Variants in DLG2 observed in about 807,000 individuals in gnomAD.
The protein encoded by DLG2 is discs large MAGUK scaffold protein 2, also known as disks large homolog 2.
A neutral mutation model predicts 132.5 loss-of-function variants in DLG2; 45 were observed. That is an observed-to-expected ratio of 0.34 (90% CI 0.27 to 0.44). The LOEUF is 0.44. Ranked by LOEUF, DLG2 falls within the 20% of genes least tolerant of loss-of-function variation. The pLI is 1.00. For missense variants in DLG2, 1,045 were observed against 1,196.9 expected, an observed-to-expected ratio of 0.87 and a Z score of 1.87; for synonymous variants, 424 against 419.6, an observed-to-expected ratio of 1.01 and a Z score of -0.13.
At chr11:83,720,953 T>C (rs2153684294) in intron 18 of DLG2, 2 of 152,080 alleles carry the variant, frequency 1.3e-5, no homozygotes, top group Middle Eastern at 6.8e-3. Context: ...TATCTGGGGG[T>C]GAATCAACTA....
rs113310046 is a variant in DLG2, at chr11:83,801,059, G to A, written c.1723-14267C>T. 1.4e-3 allele frequency among the ~76,000 whole-genome samples: 218 copies of A among 152,088 alleles called. 4 individuals are homozygous for A. The highest frequency in any genetic ancestry group is 4.2e-3 in the South Asian group (20 of 4,814). On this transcript the variant is annotated intron_variant, in intron 17 of 27. Coordinates refer to ENST00000376104, the MANE Select transcript of DLG2 (RefSeq NM_001142699.3). ...AAAATTTCTCCCAAACATGTTTCTCGAGAGTTTTCTCATTTTCAGCAAACA... is the reference window on the plus strand; with the variant it reads ...AAAATTTCTCCCAAACATGTTTCTCAAGAGTTTTCTCATTTTCAGCAAACA...
chr11:83,732,267 A>G (rs1462552143), intron 18 of DLG2, among the ~76,000 whole-genome samples: 1 of 152,188 alleles, frequency 6.6e-6, no homozygotes, highest in Non-Finnish European at 1.5e-5. Flanking sequence ...TAATTAAAAC[A>G]TACAATCTCA....
At chr11:85,225,370 C>T (rs547178153) in intron 4 of DLG2, among the ~76,000 whole-genome samples, 2 of 152,146 alleles carry the variant, frequency 1.3e-5, no homozygotes, top group Non-Finnish European at 2.9e-5. Flanking sequence ...TTGCTACCTA[C>T]TTGGTCAAGA....
At chr11:84,174,659 C>T (rs1197360183) in intron 8 of DLG2, among the ~76,000 whole-genome samples, 2 of 152,118 alleles carry the variant, frequency 1.3e-5, no homozygotes, top group Non-Finnish European at 2.9e-5. Flanking sequence ...CAAAAAAAGG[C>T]CTCTGCCTTT....
chr11:84,569,340 C>A (rs2099471207), intron 6 of DLG2, among the ~76,000 whole-genome samples: 1 of 152,108 alleles, frequency 6.6e-6, no homozygotes, highest in South Asian at 2.1e-4. Context: ...TAGGAAAAAT[C>A]AGGGAATCAT....
At chr11:85,129,754 C>G (rs1191937927) in intron 5 of DLG2, among the ~76,000 whole-genome samples, 1 of 152,124 alleles carries the variant, frequency 6.6e-6, no homozygotes, top group Non-Finnish European at 1.5e-5. Flanking sequence ...GACACATGCA[C>G]ACGTATGTTT....
intron 6 of DLG2, among the ~76,000 whole-genome samples, chr11:84,982,585 C>A (rs900881140): frequency 6.6e-6 from 1 of 152,212 alleles, no homozygotes; most frequent in East Asian, 1.9e-4. Flanking sequence ...GTGAACCACC[C>A]CAGTAGCCTT....
Position 85,598,782 on chromosome 11 carries a change from T to C in DLG2, c.-86A>G. ...TTCTTCCAGTAATGATAAAGCTCGG[T>C]CAGTATCTGAAAAACATGATATTAT... On this transcript the variant is annotated 5_prime_UTR_variant, in exon 3 of 28. Coordinates refer to ENST00000376104, the MANE Select transcript of DLG2 (RefSeq NM_001142699.3). The C allele has an allele frequency of 9.5e-7, 1 of 1,051,780 alleles. No homozygotes were observed. Among genetic ancestry groups the C allele is most frequent in the Non-Finnish European group, 1.4e-6 (1 of 737,100 alleles). 65.2% of individuals were successfully genotyped at this position (1,051,780 alleles called of 1,614,324 possible). A position where few individuals can be genotyped will look rare whatever the true frequency, so the allele number is the denominator to read the frequency against.
At chr11:83,520,321 C>T (rs1432044) in intron 21 of DLG2, among the ~76,000 whole-genome samples, 62,274 of 151,754 alleles carry the variant, frequency 0.41, 13,116 homozygotes, top group African/African-American at 0.51. Context: ...AACTGCATTA[C>T]GGTTATCACT....
chr11:85,162,051 G>A (rs537608544), intron 4 of DLG2, among the ~76,000 whole-genome samples: 3 of 152,130 alleles, frequency 2.0e-5, no homozygotes, highest in Admixed American at 1.3e-4. Flanking sequence ...GCCACCAGGA[G>A]ACACAATGAT....
At chr11:83,999,395 A>G (rs1279741818) in intron 11 of DLG2, among the ~76,000 whole-genome samples, 2 of 152,084 alleles carry the variant, frequency 1.3e-5, no homozygotes, top group Admixed American at 1.3e-4. Flanking sequence ...AGCCACTGCC[A>G]ATGCCAGTGT....
chr11:84,454,847 G>A (rs976464877), intron 7 of DLG2, among the ~76,000 whole-genome samples: 1 of 151,354 alleles, frequency 6.6e-6, no homozygotes, highest in Non-Finnish European at 1.5e-5. Flanking sequence ...GAGAAGGAAG[G>A]CTTTACACAA....
At chr11:83,502,303 C>T (rs956221817) in intron 21 of DLG2, among the ~76,000 whole-genome samples, 6 of 152,154 alleles carry the variant, frequency 3.9e-5, no homozygotes, top group East Asian at 1.9e-4. Context: ...TCCAGAGTTG[C>T]GCTCTTATCT....
In DLG2 at chr11:83,840,309, G is replaced by T. The variant is rs116110868; in HGVS notation, c.1566-6539C>A. 8.9e-3 allele frequency among the ~76,000 whole-genome samples: 1,350 copies of T among 152,276 alleles called. 19 individuals carry two copies. The highest frequency in any genetic ancestry group is 0.03 in the African/African-American group (1,258 of 41,548). Reference sequence around the variant, plus strand: ...AGGCACCAGCATTTCCCCAGTAATAGTAAGATGCCTGGCAGGTAGCAGAAA... The same window carrying T: ...AGGCACCAGCATTTCCCCAGTAATATTAAGATGCCTGGCAGGTAGCAGAAA... On this transcript the variant is annotated intron_variant, in intron 16 of 27. Coordinates refer to ENST00000376104, the MANE Select transcript of DLG2 (RefSeq NM_001142699.3).
Position 85,321,880 on chromosome 11 carries a change from G to A in DLG2, c.41-36515C>T, listed in dbSNP as rs534500285. On this transcript the variant is annotated intron_variant, in intron 3 of 27. Transcript: ENST00000376104. The stretch of plus-strand genomic sequence containing the variant: ...AATTAGAGGAAAAGAGATGCAGACA[G>A]TAAGTGTGTATAAATTTGTTGAGTC... Among the ~76,000 whole-genome samples the A allele has an allele frequency of 3.9e-5, 6 of 152,172 alleles. No homozygotes were observed. The South Asian group carries it at 1.2e-3, about 32-fold the overall frequency.
intron 18 of DLG2, among the ~76,000 whole-genome samples, chr11:83,773,855 G>A (rs2094488025): frequency 1.3e-5 from 2 of 152,182 alleles, no homozygotes; most frequent in Non-Finnish European, 2.9e-5. Context: ...ATGCTCTCAT[G>A]GAGGTTACTT....
At chr11:83,798,512 G>A (rs995296301) in intron 17 of DLG2, among the ~76,000 whole-genome samples, 20 of 152,048 alleles carry the variant, frequency 1.3e-4, no homozygotes, top group African/African-American at 4.8e-4. Context: ...GATAAAAGTA[G>A]GTAAGAACTA....
intron 6 of DLG2, among the ~76,000 whole-genome samples, chr11:84,596,901 G>A (rs967628124): frequency 5.3e-5 from 8 of 152,072 alleles, no homozygotes; most frequent in Admixed American, 4.6e-4. Context: ...CTAGGCATAG[G>A]GGATTCAGCA....
At chr11:85,546,751 T>C (rs777691859) in intron 3 of DLG2, among the ~76,000 whole-genome samples, 15 of 116,488 alleles carry the variant, frequency 1.3e-4, no homozygotes, top group Non-Finnish European at 2.3e-4. Flanking sequence ...TGTAATGGCC[T>C]TCTTTGTCTC....
Sources: allele counts gnomAD v4.1 joint callset (sites outside exome capture counted in the v4.1 genomes callset), GRCh38; gene constraint gnomAD v4.1.1; transcripts MANE v1.5; gene names NCBI Gene and HGNC (gene_info 2026-07-23, HGNC 2026-07-21).